Variants in CTNNA2 observed in about 807,000 individuals in gnomAD.
CTNNA2 encodes catenin alpha-2.
CTNNA2 carries 42 observed loss-of-function variants against 101.0 expected under a neutral mutation model. The ratio of observed to expected loss-of-function variants is 0.42; its 90% confidence interval spans 0.32 to 0.54. CTNNA2 has a LOEUF of 0.54. Among genes scored for constraint, CTNNA2 ranks in the 20% least tolerant of loss-of-function variants. The probability of loss-of-function intolerance (pLI) is 0.14; values close to 1 mark genes in which losing one functional copy is unlikely to be tolerated. For synonymous variants in CTNNA2, 450 were observed against 456.4 expected, an observed-to-expected ratio of 0.99 and a Z score of 0.18; for missense variants, 871 against 1,223.1, an observed-to-expected ratio of 0.71 and a Z score of 4.29.
At chr2:80,019,465 C>T (rs1204069284) in intron 7 of CTNNA2, among the ~76,000 whole-genome samples, 1 of 152,176 alleles carries the variant, frequency 6.6e-6, no homozygotes, top group Non-Finnish European at 1.5e-5. Context: ...ACCAGGAAAG[C>T]ATACAGCATT....
intron 7 of CTNNA2, among the ~76,000 whole-genome samples, chr2:80,294,431 C>G (rs1213538271): frequency 6.6e-6 from 1 of 151,942 alleles, no homozygotes; most frequent in South Asian, 2.1e-4. Flanking sequence ...GCCATGTAGC[C>G]CACGTAACCT....
intron 2 of CTNNA2, among the ~76,000 whole-genome samples, chr2:79,716,254 T>A (rs527899311): frequency 2.0e-5 from 3 of 152,302 alleles, no homozygotes; most frequent in Admixed American, 2.0e-4. Context: ...TTATTTTATG[T>A]CATTGATTTA....
At chr2:80,300,477 G>A (rs963658826) in intron 7 of CTNNA2, among the ~76,000 whole-genome samples, 1 of 152,004 alleles carries the variant, frequency 6.6e-6, no homozygotes, top group Non-Finnish European at 1.5e-5. Context: ...TTAGCTTAAG[G>A]AAACCTTCTG....
intron 7 of CTNNA2, among the ~76,000 whole-genome samples, chr2:80,256,482 G>T (rs746090333): frequency 2.6e-5 from 4 of 152,096 alleles, no homozygotes; most frequent in Non-Finnish European, 5.9e-5. Flanking sequence ...GAAACATCCA[G>T]GATCCTTCTA....
At chr2:79,504,731 G>A (rs10178330) in intron 4 of CTNNA2, among the ~76,000 whole-genome samples, 3,471 of 152,210 alleles carry the variant, frequency 0.023, 165 homozygotes, top group East Asian at 0.19. Flanking sequence ...TATAAAGAGT[G>A]GATGCATCTT....
Position 79,874,086 on chromosome 2 carries a change from A to T in CTNNA2, c.596A>T (p.Asp199Val). Reference sequence around the variant, plus strand: ...GTGTTACACACACAGGAGCTGAAGGATCCTCACTGTCGGGATGAGATGGCA... The same window carrying T: ...GTGTTACACACACAGGAGCTGAAGGTTCCTCACTGTCGGGATGAGATGGCA... ...VAARRQQELKDPHCRDEMAAA... is the reference protein window; with the variant it reads ...VAARRQQELKVPHCRDEMAAA... The change falls in exon 6 of 19, where the codon GAT becomes GTT. Residue 199 changes from aspartate (D) to valine (V), a missense_variant. This residue lies in a region of CTNNA2 where 647 missense variants were observed against 831.5 expected (regional missense o/e 0.78). Transcript: ENST00000402739. The T allele has an allele frequency of 6.2e-7, 1 of 1,614,134 alleles. No individual in the cohort carries two copies. Among genetic ancestry groups the T allele is most frequent in the Non-Finnish European group, 8.5e-7 (1 of 1,180,022 alleles).
intron 7 of CTNNA2, among the ~76,000 whole-genome samples, chr2:79,913,158 A>G (rs999810293): frequency 2.0e-5 from 3 of 152,228 alleles, no homozygotes; most frequent in Non-Finnish European, 4.4e-5. Flanking sequence ...ATAGTGATAT[A>G]TGCAAAGAGG....
intron 7 of CTNNA2, among the ~76,000 whole-genome samples, chr2:80,391,865 A>G (rs1677546778): frequency 6.6e-6 from 1 of 152,216 alleles, no homozygotes; most frequent in African/African-American, 2.4e-5. Context: ...TACATCTGAA[A>G]GAGTGAGTGT....
chr2:80,284,560 G>A (rs181895605), intron 7 of CTNNA2, among the ~76,000 whole-genome samples: 13 of 151,862 alleles, frequency 8.6e-5, no homozygotes, highest in Admixed American at 2.6e-4. Flanking sequence ...TTCATTACTG[G>A]GTTTTTCCTC....
rs977425795 is a variant in CTNNA2 at position 79,211,848 on chromosome 2, T to G, written c.-406+13772T>G. On this transcript the variant is annotated intron_variant, in intron 2 of 21. Coordinates refer to the CTNNA2 transcript ENST00000466387. ...AATTTTGGGGGATGGTATGGAGAGA[T>G]AGTGGGCGATGTTTCTCAGGGCTGC... 3.9e-5 allele frequency among the ~76,000 whole-genome samples: 6 copies of G among 152,076 alleles called. No homozygotes were observed. In the East Asian group the frequency reaches 5.8e-4, roughly 15 times the overall value.
At chr2:79,864,828 C>CT (rs1681905808) in intron 4 of CTNNA2, among the ~76,000 whole-genome samples, 1 of 152,164 alleles carries the variant, frequency 6.6e-6, no homozygotes, top group South Asian at 2.1e-4. Flanking sequence ...CACTTACTTG[C>CT]TGTGAGACTT....
Position 80,614,638 on chromosome 2 carries a change from T to C in CTNNA2, c.2431-4447T>C, listed in dbSNP as rs909685557. Among the ~76,000 whole-genome samples the C allele has an allele frequency of 2.6e-5, 4 of 151,492 alleles. No individual in the cohort carries two copies. In the East Asian group the frequency reaches 5.8e-4, roughly 22 times the overall value. ...TATCCTAATTTTGACTACTTGTTCA[T>C]ATATGAGAATAGTCTGATTTCATTC... On this transcript the variant is annotated intron_variant, in intron 17 of 18. Transcript: ENST00000402739.
At chr2:79,866,908 G>A (rs1682148085) in intron 4 of CTNNA2, among the ~76,000 whole-genome samples, 1 of 152,144 alleles carries the variant, frequency 6.6e-6, no homozygotes, top group Admixed American at 6.5e-5. Context: ...GTGAGGATTG[G>A]AGAAGTTAAA....
chr2:80,096,480 G>C (rs1700161860), intron 7 of CTNNA2, among the ~76,000 whole-genome samples: 1 of 152,172 alleles, frequency 6.6e-6, no homozygotes, highest in Non-Finnish European at 1.5e-5. Flanking sequence ...TATATATTCT[G>C]TTGATTTGAA....
chr2:80,408,425 C>G (rs1679256623), intron 8 of CTNNA2, among the ~76,000 whole-genome samples: 2 of 152,170 alleles, frequency 1.3e-5, no homozygotes, highest in Non-Finnish European at 1.5e-5. Flanking sequence ...TCTTAGCCTG[C>G]CATCAAATCC....
chr2:80,441,212 A>T (rs1463744252), intron 9 of CTNNA2, among the ~76,000 whole-genome samples: 1 of 152,172 alleles, frequency 6.6e-6, no homozygotes, highest in Non-Finnish European at 1.5e-5. Flanking sequence ...GGATTCACGC[A>T]GTGGGTAAAA....
At chr2:80,463,846 G>A (rs953451902) in intron 9 of CTNNA2, among the ~76,000 whole-genome samples, 11 of 152,252 alleles carry the variant, frequency 7.2e-5, no homozygotes, top group Admixed American at 1.3e-4. Flanking sequence ...ATTGCTGTAC[G>A]CAGAGGAGCT....
chr2:80,005,170 T>C (rs960996108), intron 7 of CTNNA2, among the ~76,000 whole-genome samples: 3 of 152,176 alleles, frequency 2.0e-5, no homozygotes, highest in African/African-American at 7.2e-5. Flanking sequence ...GAATCTGGCA[T>C]AGAGCACAGA....
intron 1 of CTNNA2, among the ~76,000 whole-genome samples, chr2:79,595,034 C>A (rs1285725080): frequency 6.6e-6 from 1 of 151,922 alleles, no homozygotes; most frequent in African/African-American, 2.4e-5. Context: ...GATCAAGGAA[C>A]CTAATGATTA....
Sources: allele counts gnomAD v4.1 joint callset (sites outside exome capture counted in the v4.1 genomes callset), GRCh38; gene constraint gnomAD v4.1.1; regional missense constraint gnomAD v4.1.1; transcripts MANE v1.5; gene names NCBI Gene and HGNC (gene_info 2026-07-23, HGNC 2026-07-21).